IL2RB: variants seen among roughly 807,000 people sequenced by gnomAD.
IL2RB encodes the protein interleukin 2 receptor subunit beta.
IL2RB carries 17 observed loss-of-function variants against 44.2 expected under a neutral mutation model. The observed-to-expected ratio is 0.38, with a 90% CI of 0.26 to 0.58. IL2RB has a LOEUF of 0.58. Ranked by LOEUF, IL2RB falls within the 20% of genes least tolerant of loss-of-function variation. IL2RB has a pLI of 0.63. For missense variants in IL2RB, 624 were observed against 685.5 expected (o/e 0.91, Z 1.00); for synonymous variants, 286 against 297.9 (o/e 0.96, Z 0.41).
At position 37,138,805 on chromosome 22, in the gene IL2RB, G is replaced by A. The variant is rs1601599928; in HGVS notation, c.388+312C>T. 2.6e-5 allele frequency among the ~76,000 whole-genome samples: 4 copies of A among 152,356 alleles called. No homozygotes were observed. In the South Asian group the frequency reaches 8.3e-4, roughly 32 times the overall value. On this transcript the variant is annotated intron_variant, in intron 5 of 9. Coordinates refer to ENST00000216223, the MANE Select transcript of IL2RB (RefSeq NM_000878.5). ...GTGTAAAGGGCCTTCCAGGCAGTGG[G>A]ATCGGCATGTGCAAGGGCTCAGAGG...
upstream of IL2RB, among the ~76,000 whole-genome samples, chr22:37,153,358 C>T (rs917417851): frequency 6.6e-6 from 1 of 152,184 alleles, no homozygotes; most frequent in South Asian, 2.1e-4. Flanking sequence ...AAGCCCGCTG[C>T]TGGAAAAGAA....
intron 8 of IL2RB, among the ~76,000 whole-genome samples, chr22:37,135,077 C>T (rs2543537): frequency 0.43 from 65,078 of 151,790 alleles, 14,069 homozygotes; most frequent in Non-Finnish European, 0.44. Flanking sequence ...TTCCACAGGG[C>T]CCCCCTGTGG....
At chr22:37,147,127 C>T (rs947282117) in intron 1 of IL2RB, among the ~76,000 whole-genome samples, 1 of 152,208 alleles carries the variant, frequency 6.6e-6, no homozygotes, top group Non-Finnish European at 1.5e-5. Context: ...CTCTGCCACC[C>T]CCTTAGTCAC....
intron 5 of IL2RB, among the ~76,000 whole-genome samples, chr22:37,138,756 G>A (rs779605286): frequency 1.3e-5 from 2 of 152,204 alleles, no homozygotes; most frequent in Non-Finnish European, 2.9e-5. Context: ...ACTAAGCCTC[G>A]AAACGTGAGT....
At chr22:37,139,056 G>T (rs1252618896) in intron 5 of IL2RB, 61 bp downstream of exon 5, 13 of 1,064,924 alleles carry the variant, frequency 1.2e-5, no homozygotes, top group African/African-American at 3.1e-5. Flanking sequence ...AGATCCCAGA[G>T]GAGGTGGAAG....
intron 1 of IL2RB, among the ~76,000 whole-genome samples, chr22:37,167,141 T>G (rs1255575468): frequency 1.6e-4 from 24 of 152,038 alleles, no homozygotes; most frequent in Non-Finnish European, 3.1e-4. Flanking sequence ...TTGGTACAGA[T>G]CAGAAACGGG....
chr22:37,146,250 T>A lies in IL2RB; in HGVS notation c.-33-2045A>T, dbSNP rs576663402. ...ACGGCACCACCCCATCTGCAGGCTCTCACCTGCCTTCCCTGAAGCCCGCCT... is the reference window on the plus strand; with the variant it reads ...ACGGCACCACCCCATCTGCAGGCTCACACCTGCCTTCCCTGAAGCCCGCCT... On this transcript the variant is annotated intron_variant, in intron 1 of 9. Coordinates refer to ENST00000216223, the MANE Select transcript of IL2RB (RefSeq NM_000878.5). Among the ~76,000 whole-genome samples the A allele has an allele frequency of 3.3e-5, 5 of 152,238 alleles. No individual in the cohort carries two copies. The East Asian group carries it at 9.7e-4, about 29-fold the overall frequency.
chr22:37,155,530 C>T (rs1601609473), intron 1 of IL2RB, among the ~76,000 whole-genome samples: 1 of 152,230 alleles, frequency 6.6e-6, no homozygotes, highest in Non-Finnish European at 1.5e-5. Flanking sequence ...GCATGCTGAG[C>T]CTGCTCTTCC....
chr22:37,172,740 C>T (rs984524284), intron 1 of IL2RB, among the ~76,000 whole-genome samples: 18 of 152,224 alleles, frequency 1.2e-4, no homozygotes, highest in Non-Finnish European at 2.5e-4. Context: ...GCCACCATGA[C>T]CCATTTCAAG....
At chr22:37,129,801 C>T (rs1001514416) in intron 9 of IL2RB, among the ~76,000 whole-genome samples, 3 of 152,144 alleles carry the variant, frequency 2.0e-5, no homozygotes, top group Non-Finnish European at 2.9e-5. Flanking sequence ...GCAGGGGCCT[C>T]GGGTGGGTGA....
intron 1 of IL2RB, among the ~76,000 whole-genome samples, chr22:37,158,555 C>T (rs1922756869): frequency 6.6e-6 from 1 of 151,712 alleles, no homozygotes; most frequent in Non-Finnish European, 1.5e-5. Context: ...AAGACTCCGT[C>T]TAAAAAAAAT....
At position 37,141,986 on chromosome 22, in the gene IL2RB, G is replaced by A. The variant is rs932963023; in HGVS notation, c.282+448C>T. Among the ~76,000 whole-genome samples, 3 of 152,126 alleles carry A rather than the reference G, an allele frequency of 2.0e-5. No homozygotes were observed. The highest frequency in any genetic ancestry group is 7.2e-5 in the African/African-American group (3 of 41,426). The stretch of plus-strand genomic sequence containing the variant: ...ACAGAAGGGGAGACTGGGGCACAGG[G>A]GTTGCCCAATGTCACCCAGCTGGTG... On this transcript the variant is annotated intron_variant, in intron 4 of 9. Transcript: ENST00000216223. The surrounding 1 kb of genome is among the most constrained non-coding windows in gnomAD (Gnocchi z 4.4).
chr22:37,173,114 T>G (rs1923344148), intron 1 of IL2RB, among the ~76,000 whole-genome samples: 1 of 152,158 alleles, frequency 6.6e-6, no homozygotes, highest in Non-Finnish European at 1.5e-5. Context: ...CTGAGCAGCC[T>G]CCTACCTCCT....
chr22:37,143,759 C>G, intron 2 of IL2RB, 124 bp from the exon 3 acceptor site: 1 of 727,214 alleles, frequency 1.4e-6, no homozygotes, highest in Non-Finnish European at 2.4e-6. Flanking sequence ...CTCTGGCAAG[C>G]GGAGAAGGGA....
chr22:37,143,957 G>A, intron 2 of IL2RB, 128 bp downstream of exon 2: 1 of 1,261,826 alleles, frequency 7.9e-7, no homozygotes. Flanking sequence ...AGGGGTCCAG[G>A]ACAGAGGGTG....
At position 37,138,968 on chromosome 22, in the gene IL2RB, G is replaced by A. The variant is rs1056972363; in HGVS notation, c.388+149C>T. 271 of 604,782 alleles carry A rather than the reference G, an allele frequency of 4.5e-4. 1 individual carries two copies. The East Asian group carries it at 7.4e-3, about 17-fold the overall frequency. 37.5% of individuals were successfully genotyped at this position (604,782 alleles called of 1,614,324 possible). On this transcript the variant is annotated intron_variant, in intron 5 of 9. Transcript: ENST00000216223. ...GAATGCCAGAGGAAGGAGCCAGGAC[G>A]TCATCCCGAGAACAGCGGGCGGTGA...
At chr22:37,164,261 A>G (rs947207341) in intron 1 of IL2RB, among the ~76,000 whole-genome samples, 3 of 151,954 alleles carry the variant, frequency 2.0e-5, no homozygotes, top group Non-Finnish European at 4.4e-5. Context: ...CTCCTCCCTA[A>G]GCCAGGCGTC....
chr22:37,162,983 G>C (rs1922933797), intron 1 of IL2RB, among the ~76,000 whole-genome samples: 1 of 152,198 alleles, frequency 6.6e-6, no homozygotes, highest in African/African-American at 2.4e-5. Flanking sequence ...CCCCAGGCCA[G>C]AGGCTTCTCC....
chr22:37,165,649 C>A (rs1923044418), intron 1 of IL2RB, among the ~76,000 whole-genome samples: 1 of 152,106 alleles, frequency 6.6e-6, no homozygotes, highest in Non-Finnish European at 1.5e-5. Context: ...CTCTTCAGGG[C>A]AGGCTTCATG....
Sources: gnomAD v4.1 joint callset for allele counts (sites outside exome capture counted in the v4.1 genomes callset) on GRCh38, gnomAD v4.1.1 for gene constraint, Gnocchi (gnomAD v3.1) non-coding constraint, MANE v1.5 for transcripts, NCBI Gene and HGNC (gene_info 2026-07-23, HGNC 2026-07-21) for gene names.